CLSTN2: variants seen among roughly 807,000 people sequenced by gnomAD.
CLSTN2 encodes calsyntenin 2, also known as calsyntenin-2.
A neutral mutation model predicts 101.2 loss-of-function variants in CLSTN2; 48 were observed. That is an observed-to-expected ratio of 0.47 (90% CI 0.38 to 0.60). CLSTN2 has a LOEUF of 0.60. Ranked by LOEUF, CLSTN2 falls within the 20% of genes least tolerant of loss-of-function variation. The pLI is 0.00. For synonymous variants in CLSTN2, 481 were observed against 463.6 expected (o/e 1.04, Z -0.48); for missense variants, 1,160 against 1,238.2 (o/e 0.94, Z 0.95).
intron 1 of CLSTN2, among the ~76,000 whole-genome samples, chr3:140,094,164 A>G (rs1213010542): frequency 6.6e-6 from 1 of 152,178 alleles, no homozygotes; most frequent in Non-Finnish European, 1.5e-5. Context: ...TAAAACAGAA[A>G]CACATCCTAC....
rs1985704247 is a variant in CLSTN2, at chr3:140,575,481, T to G, written c.*9228T>G. 1 of 152,166 alleles carries G rather than the reference T, an allele frequency of 6.6e-6. No individual in the cohort carries two copies. The highest frequency in any genetic ancestry group is 2.4e-5 in the African/African-American group (1 of 41,444). 9.4% of individuals were successfully genotyped at this position (152,166 alleles called of 1,614,324 possible). A position where few individuals can be genotyped will look rare whatever the true frequency, so the allele number is the denominator to read the frequency against. ...GGTGATCAGCTCTTAATTGAACTAG[T>G]CATGATGAATCAATCCAACTGACTG... On this transcript the variant is annotated 3_prime_UTR_variant, in exon 17 of 17. Transcript: ENST00000458420.
chr3:140,553,889 C>T (rs150287392), intron 10 of CLSTN2, among the ~76,000 whole-genome samples: 225 of 152,266 alleles, frequency 1.5e-3, no homozygotes, highest in African/African-American at 5.1e-3. Flanking sequence ...GATAATGACT[C>T]CCACAGCGCT....
intron 1 of CLSTN2, among the ~76,000 whole-genome samples, chr3:140,159,542 G>A (rs919203744): frequency 6.6e-6 from 1 of 152,098 alleles, no homozygotes; most frequent in East Asian, 1.9e-4. Flanking sequence ...TGTGGTGAAA[G>A]GGCATGCTTT....
intron 8 of CLSTN2, among the ~76,000 whole-genome samples, chr3:140,509,586 C>T (rs2107767005): frequency 6.6e-6 from 1 of 152,278 alleles, no homozygotes; most frequent in East Asian, 1.9e-4. Context: ...AGACAATCAG[C>T]ACCTCAGTGG....
intron 1 of CLSTN2, among the ~76,000 whole-genome samples, chr3:139,973,506 G>A (rs1935753282): frequency 6.6e-6 from 1 of 152,288 alleles, no homozygotes; most frequent in South Asian, 2.1e-4. Context: ...AAGAACAAGG[G>A]CCATCAGCTG....
At chr3:140,088,757 G>T (rs1458484767) in intron 1 of CLSTN2, among the ~76,000 whole-genome samples, 1 of 152,144 alleles carries the variant, frequency 6.6e-6, no homozygotes, top group African/African-American at 2.4e-5. Flanking sequence ...TCTCCCCTGG[G>T]TTTCTTCCTG....
intron 1 of CLSTN2, among the ~76,000 whole-genome samples, chr3:139,961,334 A>G: frequency 6.6e-6 from 1 of 152,188 alleles, no homozygotes; most frequent in East Asian, 1.9e-4. Context: ...ATCATTGTGC[A>G]CGTGTTTGTG....
chr3:140,236,542 T>C (rs774502422), intron 2 of CLSTN2, among the ~76,000 whole-genome samples: 12 of 152,208 alleles, frequency 7.9e-5, no homozygotes, highest in Non-Finnish European at 1.8e-4. Context: ...TTTCAAATAA[T>C]TATTTCTTCA....
At chr3:140,005,441 A>G (rs1486696321) in intron 1 of CLSTN2, among the ~76,000 whole-genome samples, 2 of 152,074 alleles carry the variant, frequency 1.3e-5, no homozygotes, top group South Asian at 2.1e-4. Context: ...TAGAGTACCA[A>G]TGTAGTCCCA....
At chr3:139,941,064 A>C (rs1455894682) in intron 1 of CLSTN2, among the ~76,000 whole-genome samples, 2 of 152,206 alleles carry the variant, frequency 1.3e-5, no homozygotes, top group South Asian at 4.1e-4. Context: ...GTGATAATAC[A>C]TGTTTATATG....
intron 1 of CLSTN2, among the ~76,000 whole-genome samples, chr3:140,046,548 C>T (rs1013016486): frequency 6.6e-6 from 1 of 152,092 alleles, no homozygotes; most frequent in Non-Finnish European, 1.5e-5. Context: ...GAATTTGATC[C>T]TGTCATTATG....
chr3:140,480,790 GTTGT>G (rs1286134594), intron 8 of CLSTN2, among the ~76,000 whole-genome samples: 3 of 152,176 alleles, frequency 2.0e-5, no homozygotes, highest in African/African-American at 7.2e-5. Context: ...TGTTGATGGG[GTTGT>G]TTGTTTTTTT....
intron 2 of CLSTN2, among the ~76,000 whole-genome samples, chr3:140,315,557 C>G (rs568783037): frequency 6.6e-6 from 1 of 152,210 alleles, no homozygotes; most frequent in African/African-American, 2.4e-5. Flanking sequence ...GCTTTTCTGC[C>G]TTCCACGTGG....
intron 1 of CLSTN2, among the ~76,000 whole-genome samples, chr3:140,059,771 C>G (rs1482740965): frequency 3.9e-5 from 6 of 152,170 alleles, no homozygotes; most frequent in Admixed American, 2.6e-4. Context: ...AACCTGCAAC[C>G]TTTCTGCTTT....
chr3:139,950,958 T>C (rs909273138), intron 1 of CLSTN2, among the ~76,000 whole-genome samples: 3 of 152,206 alleles, frequency 2.0e-5, no homozygotes, highest in Admixed American at 6.5e-5. Flanking sequence ...TGTGGCGATG[T>C]GACTTTTTTA....
intron 2 of CLSTN2, among the ~76,000 whole-genome samples, chr3:140,356,339 T>A (rs1382490814): frequency 6.6e-6 from 1 of 152,232 alleles, no homozygotes; most frequent in Non-Finnish European, 1.5e-5. Flanking sequence ...GCAGTCTGCA[T>A]TTGTACTTTT....
intron 1 of CLSTN2, among the ~76,000 whole-genome samples, chr3:139,974,058 G>A (rs1935769494): frequency 6.6e-6 from 1 of 152,144 alleles, no homozygotes; most frequent in Non-Finnish European, 1.5e-5. Flanking sequence ...GCCTGGCCCT[G>A]GAACTTAGGG....
At chr3:140,471,419 C>T (rs1367223032) in intron 8 of CLSTN2, among the ~76,000 whole-genome samples, 10 of 152,124 alleles carry the variant, frequency 6.6e-5, no homozygotes, top group African/African-American at 2.4e-4. Context: ...AGCAAGCGCA[C>T]AGGTACCCCC....
chr3:140,025,566 C>A (rs1441845086), intron 1 of CLSTN2, among the ~76,000 whole-genome samples: 1 of 152,174 alleles, frequency 6.6e-6, no homozygotes, highest in Non-Finnish European at 1.5e-5. Flanking sequence ...CCAACCAATG[C>A]TCTTGTTGAT....
Sources: allele counts gnomAD v4.1 joint callset (sites outside exome capture counted in the v4.1 genomes callset), GRCh38; gene constraint gnomAD v4.1.1; transcripts MANE v1.5; gene names NCBI Gene and HGNC (gene_info 2026-07-23, HGNC 2026-07-21).